The following NRG2 variants were observed in gnomAD, a reference collection of about 807,000 sequenced individuals.
NRG2 encodes the protein neuregulin 2, also known as pro-neuregulin-2, membrane-bound isoform.
In NRG2, 27 loss-of-function variants were observed where a neutral mutation model predicts 73.9. The ratio of observed to expected loss-of-function variants is 0.37; its 90% CI spans 0.27 to 0.50. NRG2 has a LOEUF of 0.50. NRG2 is among the 20% of genes least tolerant of loss of function. NRG2 has a pLI of 0.96. For missense variants in NRG2, 1,126 were observed against 1,210.1 expected (o/e 0.93, Z 1.03); for synonymous variants, 532 against 541.0 (o/e 0.98, Z 0.23).
At position 139,851,686 on chromosome 5, in the gene NRG2, T is replaced by A. The variant is rs750930341; in HGVS notation, c.1690A>T (p.Asn564Tyr). The change falls in exon 9 of 10, where the codon AAC becomes TAC. Residue 564 changes from asparagine to tyrosine, a missense_variant. Physicochemically the swap from Asn to Tyr is moderately radical, Grantham distance 143. Coordinates refer to ENST00000361474, the MANE Select transcript of NRG2 (RefSeq NM_004883.3). This position sits in a 1 kb window ranked among gnomAD's most constrained non-coding sequence, Gnocchi z 4.2. ...EARARRAAAY[N>Y]LEERRRATAP... ...GTGGCCCTGCGCCGCTCCTCCAGGT[T>A]GTAGGCTGCTGCCCGCCTTGCCCGG... 6.2e-7 allele frequency: 1 copy of A among 1,614,016 alleles called. No individual in the cohort carries two copies. Among genetic ancestry groups the A allele is most frequent in the Non-Finnish European group, 8.5e-7 (1 of 1,180,012 alleles).
intron 1 of NRG2, among the ~76,000 whole-genome samples, chr5:139,920,754 C>A (rs1025470700): frequency 3.3e-5 from 5 of 151,790 alleles, no homozygotes; most frequent in African/African-American, 1.2e-4. Flanking sequence ...ATACTCCAGA[C>A]AAAACAAAAC....
At chr5:139,879,514 T>C (rs1763392862) in intron 3 of NRG2, among the ~76,000 whole-genome samples, 1 of 152,114 alleles carries the variant, frequency 6.6e-6, no homozygotes, top group Non-Finnish European at 1.5e-5. Flanking sequence ...AGAGAAACTG[T>C]CTTGACCCAT....
chr5:139,889,673 A>G (rs983544506), intron 1 of NRG2, among the ~76,000 whole-genome samples: 14 of 152,130 alleles, frequency 9.2e-5, no homozygotes, highest in Non-Finnish European at 1.8e-4. Context: ...AACAACCCCA[A>G]AAGAACATCC....
intron 1 of NRG2, among the ~76,000 whole-genome samples, chr5:139,938,941 GAAAGAAAGAAAGAAAGAAAA>G (rs1753124266): frequency 1.8e-5 from 2 of 113,182 alleles, no homozygotes; most frequent in Admixed American, 9.1e-5. Flanking sequence ...AAGAAAGAAA[GAAAGAAAGAAAGAAAGAAAA>G]AAGAAGGAAG....
intron 9 of NRG2, among the ~76,000 whole-genome samples, chr5:139,850,995 T>C (rs997666288): frequency 4.6e-5 from 7 of 152,112 alleles, no homozygotes; most frequent in African/African-American, 1.7e-4. Context: ...CTTTTTTTTT[T>C]TTTCTTTTTG....
At chr5:139,950,201 A>G (rs947246115) in intron 1 of NRG2, among the ~76,000 whole-genome samples, 11 of 152,214 alleles carry the variant, frequency 7.2e-5, no homozygotes, top group Non-Finnish European at 1.6e-4. Context: ...TGAGCCACAC[A>G]CCACAGACCA....
At chr5:139,926,132 G>A (rs1310410596) in intron 1 of NRG2, among the ~76,000 whole-genome samples, 1 of 152,242 alleles carries the variant, frequency 6.6e-6, no homozygotes, top group Non-Finnish European at 1.5e-5. Context: ...GAGAGCAGAA[G>A]TACCTTTAAC....
chr5:139,896,993 A>C (rs1764587043), intron 1 of NRG2, among the ~76,000 whole-genome samples: 1 of 152,084 alleles, frequency 6.6e-6, no homozygotes, highest in African/African-American at 2.4e-5. Flanking sequence ...GCCTCTCTAC[A>C]TTCCCCTACC....
Position 139,848,132 on chromosome 5 carries a change from C to T in NRG2, c.2338G>A (p.Asp780Asn), listed in dbSNP as rs1761115511. 6.8e-7 allele frequency: 1 copy of T among 1,469,104 alleles called. No individual in the cohort carries two copies. Among genetic ancestry groups the T allele is most frequent in the Admixed American group, 2.5e-5 (1 of 40,568 alleles). 91.0% of individuals were successfully genotyped at this position (1,469,104 alleles called of 1,614,324 possible). A position where few individuals can be genotyped will look rare whatever the true frequency, so the allele number is the denominator to read the frequency against. Reference protein sequence around the residue: ...GGGSASASDDDADDADGALAA... With the variant: ...GGGSASASDDNADDADGALAA... ...AGCGCCCCGTCCGCGTCGTCCGCGT[C>T]GTCGTCCGACGCCGAGGCTGAGCCG... The change falls in exon 10 of 10, where the codon GAC becomes AAC. Residue 780 changes from aspartate (D) to asparagine (N), a missense_variant. By Grantham distance (23) the Asp-to-Asn change is conservative. Coordinates refer to ENST00000361474, the MANE Select transcript of NRG2 (RefSeq NM_004883.3).
intron 1 of NRG2, among the ~76,000 whole-genome samples, chr5:139,976,426 G>A (rs1756388940): frequency 6.6e-6 from 1 of 152,194 alleles, no homozygotes; most frequent in Non-Finnish European, 1.5e-5. Flanking sequence ...TTGATGGGCA[G>A]CCACATGATT....
At position 139,856,548 on chromosome 5, in the gene NRG2, G is replaced by A. The variant is rs1391983438; in HGVS notation, c.1190-770C>T. On this transcript the variant is annotated intron_variant, in intron 5 of 9. Transcript: ENST00000361474. This position sits in a 1 kb window ranked among gnomAD's most constrained non-coding sequence, Gnocchi z 4.2. ...CTAGCTGTAGTCAAGGCTACAGCCC[G>A]GAGACCCCACCCGTGCCCACCACAC... 6.6e-6 allele frequency among the ~76,000 whole-genome samples: 1 copy of A among 152,172 alleles called. No individual in the cohort carries two copies. Among genetic ancestry groups the A allele is most frequent in the Non-Finnish European group, 1.5e-5 (1 of 68,022 alleles).
intron 3 of NRG2, 106 bp from the exon 4 acceptor site, chr5:139,871,947 T>A (rs1762881914): frequency 6.8e-7 from 1 of 1,472,920 alleles, no homozygotes; most frequent in Admixed American, 2.0e-5. Flanking sequence ...GACCAGAGGC[T>A]GCAGGAATGA....
intron 1 of NRG2, among the ~76,000 whole-genome samples, chr5:139,929,107 C>T (rs1752272303): frequency 6.6e-6 from 1 of 152,178 alleles, no homozygotes; most frequent in African/African-American, 2.4e-5. Flanking sequence ...TCCTTCTGAG[C>T]TCTTGGTCAA....
chr5:140,026,495 G>A (rs1320491178), intron 1 of NRG2, among the ~76,000 whole-genome samples: 1 of 152,138 alleles, frequency 6.6e-6, no homozygotes, highest in Non-Finnish European at 1.5e-5. Context: ...CAGCTACTTG[G>A]GAGGCTGAGG....
intron 1 of NRG2, among the ~76,000 whole-genome samples, chr5:139,939,654 T>C (rs1753238889): frequency 6.6e-6 from 1 of 152,194 alleles, no homozygotes; most frequent in South Asian, 2.1e-4. Context: ...ACTTCTGCTC[T>C]TCAAGTGACA....
intron 1 of NRG2, among the ~76,000 whole-genome samples, chr5:139,892,245 C>G (rs1272936530): frequency 6.6e-6 from 1 of 152,202 alleles, no homozygotes; most frequent in African/African-American, 2.4e-5. Context: ...GGCCTAGAGC[C>G]CTGCCAGGTT....
chr5:139,913,763 T>G (rs1751034182), intron 1 of NRG2, among the ~76,000 whole-genome samples: 1 of 152,164 alleles, frequency 6.6e-6, no homozygotes, highest in South Asian at 2.1e-4. Context: ...CACAGATGGA[T>G]AAAAATCACA....
rs1277360823 is a variant in NRG2, at chr5:140,042,971, G to C, written c.99C>G (p.Ser33Arg). ...SDSSSSSSERSSSSSSSSSES... is the reference protein window; with the variant it reads ...SDSSSSSSERRSSSSSSSSES... ...CGCTGCTGCTGCTGCTGCTGCTGCT[G>C]CTCCTCTCGCTGCTGCTGCTGCTGC... is the stretch of plus-strand genomic sequence containing the variant. The change falls in exon 1 of 10, where the codon AGC (serine) becomes AGG (arginine). Residue 33 changes from serine to arginine, a missense_variant. Ser to Arg is a moderately radical substitution (Grantham distance 110). Around this residue, in one of 3 missense-constraint regions of NRG2, gnomAD observed 185 missense variants for 149.0 expected, o/e 1.24. Transcript: ENST00000361474. 2 of 1,545,420 alleles carry C rather than the reference G, an allele frequency of 1.3e-6. No individual in the cohort carries two copies. The highest frequency in any genetic ancestry group is 1.4e-5 in the African/African-American group (1 of 73,260).
intron 1 of NRG2, among the ~76,000 whole-genome samples, chr5:139,983,615 A>C (rs1236715133): frequency 2.0e-5 from 3 of 152,136 alleles, no homozygotes; most frequent in Non-Finnish European, 1.5e-5. Flanking sequence ...CTTTGCTTAT[A>C]CTGTTATACT....
Sources: allele counts gnomAD v4.1 joint callset (sites outside exome capture counted in the v4.1 genomes callset), GRCh38; gene constraint gnomAD v4.1.1; regional missense constraint gnomAD v4.1.1; non-coding constraint Gnocchi (gnomAD v3.1); transcripts MANE v1.5; gene names NCBI Gene and HGNC (gene_info 2026-07-23, HGNC 2026-07-21).